Variants in DOCK2 observed in about 807,000 individuals in gnomAD.
DOCK2 encodes dedicator of cytokinesis 2.
DOCK2 carries 87 observed loss-of-function variants against 248.9 expected under a neutral mutation model. That is an observed-to-expected ratio of 0.35 (90% CI 0.29 to 0.42). DOCK2 has a LOEUF of 0.42. Ranked by LOEUF, DOCK2 falls within the 10% of genes least tolerant of loss-of-function variation. DOCK2 has a pLI of 1.00. For synonymous variants in DOCK2, 805 were observed against 821.6 expected (o/e 0.98, Z 0.35); for missense variants, 1,747 against 2,300.2 (o/e 0.76, Z 4.92).
chr5:169,996,927 C>T (rs570754513), intron 30 of DOCK2, among the ~76,000 whole-genome samples: 2 of 151,886 alleles, frequency 1.3e-5, no homozygotes, highest in African/African-American at 4.8e-5. Flanking sequence ...TAAGGTGGGA[C>T]GAGAGATTTG....
chr5:170,042,878 CTGCTAAA>C (rs1043338337), intron 38 of DOCK2, among the ~76,000 whole-genome samples: 1 of 152,220 alleles, frequency 6.6e-6, no homozygotes, highest in African/African-American at 2.4e-5. Context: ...GTCTTGCCCA[CTGCTAAA>C]TGCCCAGTGA....
chr5:169,854,373 C>T (rs186110188), intron 27 of DOCK2, among the ~76,000 whole-genome samples: 42 of 151,932 alleles, frequency 2.8e-4, no homozygotes, highest in South Asian at 6.2e-4. Flanking sequence ...TTAGTAGAGA[C>T]GGGGTTTCAC....
intron 27 of DOCK2, among the ~76,000 whole-genome samples, chr5:169,928,013 T>C (rs1266848682): frequency 6.6e-6 from 1 of 152,140 alleles, no homozygotes; most frequent in Non-Finnish European, 1.5e-5. Flanking sequence ...CACAGATCCA[T>C]GTGTGTGTAT....
At chr5:170,074,948 C>T (rs1403639041) in intron 46 of DOCK2, among the ~76,000 whole-genome samples, 3 of 152,172 alleles carry the variant, frequency 2.0e-5, no homozygotes, top group Admixed American at 2.0e-4. Flanking sequence ...TCACCACCTC[C>T]CTCCTCTGCT....
chr5:169,979,243 G>A (rs987661657), intron 27 of DOCK2, among the ~76,000 whole-genome samples: 1 of 152,170 alleles, frequency 6.6e-6, no homozygotes, highest in African/African-American at 2.4e-5. Context: ...TTTGAACAAC[G>A]TCAGTGTTAG....
At chr5:169,841,612 A>G (rs1769979348) in intron 27 of DOCK2, 1 of 238,376 alleles carries the variant, frequency 4.2e-6, no homozygotes, top group African/African-American at 2.3e-5. Flanking sequence ...TTATTTATTT[A>G]TGTGTTCCTC....
intron 22 of DOCK2, among the ~76,000 whole-genome samples, chr5:169,739,921 G>A (rs1216649108): frequency 1.3e-5 from 2 of 152,200 alleles, no homozygotes; most frequent in Admixed American, 1.3e-4. Flanking sequence ...GAGATAGAGA[G>A]TGTGCATGCG....
intron 36 of DOCK2, 91 bp from the exon 37 acceptor site, chr5:170,040,964 G>T: frequency 8.7e-7 from 1 of 1,144,832 alleles, no homozygotes; most frequent in Admixed American, 1.7e-5. Flanking sequence ...CCAGAGAGGT[G>T]CCCAGTTGTT....
At chr5:170,041,695 G>A (rs757024488) in intron 37 of DOCK2, among the ~76,000 whole-genome samples, 55 of 152,216 alleles carry the variant, frequency 3.6e-4, no homozygotes, top group Non-Finnish European at 6.0e-4. Context: ...AGAGGGGAGG[G>A]TGTTTGCAGG....
intron 32 of DOCK2, among the ~76,000 whole-genome samples, chr5:170,009,187 G>T (rs1755185348): frequency 6.6e-6 from 1 of 152,050 alleles, no homozygotes; most frequent in South Asian, 2.1e-4. Flanking sequence ...TAGCTGAAAA[G>T]TGACCCCAGA....
intron 22 of DOCK2, among the ~76,000 whole-genome samples, chr5:169,740,178 A>G (rs1763239081): frequency 6.6e-6 from 1 of 152,202 alleles, no homozygotes; most frequent in African/African-American, 2.4e-5. Flanking sequence ...TTTTTCCTGC[A>G]TCTTATTACC....
rs1757816749 is a variant in DOCK2, at chr5:170,075,718, T to C, written c.4729-229T>C. The C allele has an allele frequency of 7.8e-6, 4 of 513,498 alleles. No individual in the cohort carries two copies. In the Admixed American group the frequency reaches 1.3e-4, roughly 17 times the overall value. 31.8% of individuals were successfully genotyped at this position (513,498 alleles called of 1,614,324 possible). ...GGAAGAGGGGAGTCCAGCCCTCCTA[T>C]GAGGCAAGGGAAGCTGGGGGTCTTT... On this transcript the variant is annotated intron_variant, in intron 46 of 51. Transcript: ENST00000520908.
chr5:170,076,141 G>T, intron 47 of DOCK2, 57 bp downstream of exon 47: 2 of 1,578,242 alleles, frequency 1.3e-6, no homozygotes, highest in South Asian at 2.3e-5. Flanking sequence ...GGGCAGGGAA[G>T]CATGCTGGAG....
chr5:169,823,958 G>A (rs891634903), intron 26 of DOCK2, among the ~76,000 whole-genome samples: 2 of 152,132 alleles, frequency 1.3e-5, no homozygotes, highest in South Asian at 2.1e-4. Flanking sequence ...AAAATCACAA[G>A]CATTCTTATA....
chr5:169,893,640 G>A (rs1229044344), intron 27 of DOCK2, among the ~76,000 whole-genome samples: 1 of 152,106 alleles, frequency 6.6e-6, no homozygotes, highest in African/African-American at 2.4e-5. Flanking sequence ...CAGATGGAAG[G>A]GAGAGAGCAG....
chr5:169,737,663 T>C (rs1040773779), intron 22 of DOCK2, among the ~76,000 whole-genome samples: 5 of 152,100 alleles, frequency 3.3e-5, no homozygotes, highest in Admixed American at 6.5e-5. Flanking sequence ...CAATGGCCAA[T>C]GCTACATAAC....
intron 32 of DOCK2, among the ~76,000 whole-genome samples, chr5:170,014,202 C>T (rs1403055090): frequency 6.6e-6 from 1 of 152,082 alleles, no homozygotes; most frequent in Non-Finnish European, 1.5e-5. Context: ...ATTAGAGTGG[C>T]CATCCGTCTA....
chr5:169,867,867 G>C (rs1771690957), intron 27 of DOCK2, among the ~76,000 whole-genome samples: 2 of 152,108 alleles, frequency 1.3e-5, no homozygotes, highest in Non-Finnish European at 2.9e-5. Flanking sequence ...TGAGAGCCTA[G>C]GCAACCCCTG....
At chr5:169,898,591 A>G (rs933207772) in intron 27 of DOCK2, among the ~76,000 whole-genome samples, 2 of 152,276 alleles carry the variant, frequency 1.3e-5, no homozygotes, top group South Asian at 4.1e-4. Context: ...GAGTTCAATG[A>G]AAGAATGACA....
Sources: gnomAD v4.1 joint callset for allele counts (sites outside exome capture counted in the v4.1 genomes callset) on GRCh38, gnomAD v4.1.1 for gene constraint, MANE v1.5 for transcripts, NCBI Gene and HGNC (gene_info 2026-07-23, HGNC 2026-07-21) for gene names.